GRAMD4: variants seen among roughly 807,000 people sequenced by gnomAD.
GRAMD4 encodes GRAM domain containing 4, also known as GRAM domain-containing protein 4.
Under a neutral mutation model 83.9 loss-of-function variants are expected in GRAMD4, and 25 were observed. That is an observed-to-expected ratio of 0.30 (90% CI 0.22 to 0.42). The LOEUF is 0.42. Among genes scored for constraint, GRAMD4 ranks in the 10% least tolerant of loss-of-function variants. The pLI, the probability that GRAMD4 is intolerant of heterozygous loss-of-function variation, is 1.00. For missense variants in GRAMD4, 593 were observed against 788.7 expected, an observed-to-expected ratio of 0.75 and a Z score of 2.97; for synonymous variants, 336 against 320.9, an observed-to-expected ratio of 1.05 and a Z score of -0.50.
chr22:46,665,606 C>A lies in GRAMD4; in HGVS notation c.718-9C>A. ...TCAGGAGGTCTGACGCCCTGTCTCT[C>A]ACCCGCAGGTGTACATGAATGCCGT... On this transcript the variant is annotated splice_polypyrimidine_tract_variant and intron_variant, in intron 8 of 18. Transcript: ENST00000406902. 2.0e-6 allele frequency: 3 copies of A among 1,507,958 alleles called. No homozygotes were observed. Among genetic ancestry groups the A allele is most frequent in the Non-Finnish European group, 2.8e-6 (3 of 1,085,500 alleles). 93.4% of individuals were successfully genotyped at this position (1,507,958 alleles called of 1,614,324 possible). A position where few individuals can be genotyped will look rare whatever the true frequency, so the allele number is the denominator to read the frequency against.
chr22:46,621,140 G>A lies in GRAMD4; in HGVS notation c.-50+575G>A, dbSNP rs891745258. Among the ~76,000 whole-genome samples the A allele has an allele frequency of 1.2e-4, 19 of 152,158 alleles. No homozygotes were observed. The highest frequency in any genetic ancestry group is 3.9e-4 in the African/African-American group (16 of 41,424). The stretch of plus-strand genomic sequence containing the variant: ...AGGGGCCGTCTGGTTGGGGATGCGC[G>A]GCTGCAGCACGCAGGACGGAAGGTG... On this transcript the variant is annotated intron_variant, in intron 1 of 18. Transcript: ENST00000406902. The surrounding 1 kb of genome is among the most constrained non-coding windows in gnomAD (Gnocchi z 5.8).
intron 17 of GRAMD4, 43 bp downstream of exon 17, chr22:46,675,595 C>A: frequency 8.0e-7 from 1 of 1,246,628 alleles, no homozygotes; most frequent in Non-Finnish European, 1.2e-6. Context: ...GTGTTTTCTT[C>A]GTCACCTGAC....
chr22:46,621,773 G>A lies in GRAMD4; in HGVS notation c.-50+1208G>A, dbSNP rs930340761. Among the ~76,000 whole-genome samples the A allele has an allele frequency of 6.6e-6, 1 of 152,232 alleles. No individual in the cohort carries two copies. The highest frequency in any genetic ancestry group is 2.4e-5 in the African/African-American group (1 of 41,456). On this transcript the variant is annotated intron_variant, in intron 1 of 18. Transcript: ENST00000406902. This position sits in a 1 kb window ranked among gnomAD's most constrained non-coding sequence, Gnocchi z 5.8. ...GGTGCAGGCGCAGGCTGGAAGTGTAGCCCGGGCCCATCCCTGGTGGTGAAG... is the reference window on the plus strand; with the variant it reads ...GGTGCAGGCGCAGGCTGGAAGTGTAACCCGGGCCCATCCCTGGTGGTGAAG...
intron 1 of GRAMD4, among the ~76,000 whole-genome samples, chr22:46,586,986 C>T (rs903706277): frequency 6.6e-6 from 1 of 152,196 alleles, no homozygotes; most frequent in Admixed American, 6.5e-5. Context: ...CACCCTCTTA[C>T]CCGGGAAGAA....
At position 46,664,015 on chromosome 22, in the gene GRAMD4, T is replaced by A. The variant is rs776525781; in HGVS notation, c.626-11T>A. The A allele has an allele frequency of 8.7e-6, 14 of 1,608,642 alleles. No homozygotes were observed. Among genetic ancestry groups the A allele is most frequent in the Non-Finnish European group, 1.2e-5 (14 of 1,175,756 alleles). Reference sequence around the variant, plus strand: ...CACAGTGCTGACCACTGTGGTCTGCTCTGTCCCCAGAGCGCGGTGCCAAGC... The same window carrying A: ...CACAGTGCTGACCACTGTGGTCTGCACTGTCCCCAGAGCGCGGTGCCAAGC... On this transcript the variant is annotated splice_polypyrimidine_tract_variant and intron_variant, in intron 7 of 18. Coordinates refer to ENST00000406902, the MANE Select transcript of GRAMD4 (RefSeq NM_015124.5).
At position 46,665,630 on chromosome 22, in the gene GRAMD4, G is replaced by C; in HGVS notation, c.733G>C (p.Val245Leu). 1.9e-6 allele frequency: 3 copies of C among 1,590,540 alleles called. No homozygotes were observed. The highest frequency in any genetic ancestry group is 2.6e-6 in the Non-Finnish European group (3 of 1,159,344). The change falls in exon 9 of 19, where the codon GTG (valine) becomes CTG (leucine). Residue 245 changes from valine to leucine, a missense_variant. Coordinates refer to ENST00000406902, the MANE Select transcript of GRAMD4 (RefSeq NM_015124.5). The part of the protein sequence containing the change: ...AIAFTVYMNA[V>L]WHGWAIPLFL... Reference sequence around the variant, plus strand: ...TCACCCGCAGGTGTACATGAATGCCGTGTGGCATGGCTGGGCCATCCCATT... The same window carrying C: ...TCACCCGCAGGTGTACATGAATGCCCTGTGGCATGGCTGGGCCATCCCATT...
chr22:46,669,005 C>A, intron 13 of GRAMD4, 97 bp downstream of exon 13: 1 of 709,278 alleles, frequency 1.4e-6, no homozygotes, highest in South Asian at 1.6e-5. Context: ...AGCTGTTAAA[C>A]TCACCTGGCG....
intron 3 of GRAMD4, among the ~76,000 whole-genome samples, chr22:46,639,699 T>G (rs1289707107): frequency 1.3e-5 from 2 of 152,144 alleles, no homozygotes; most frequent in African/African-American, 2.4e-5. Flanking sequence ...CCCATGTGCA[T>G]CAGTATTAAC....
intron 1 of GRAMD4, among the ~76,000 whole-genome samples, chr22:46,626,536 C>G (rs185785544): frequency 2.6e-5 from 4 of 151,290 alleles, no homozygotes; most frequent in Admixed American, 2.6e-4. Context: ...GTCTCTGGGT[C>G]GGGGTTTTCT....
rs1175242630 is a variant in GRAMD4, at chr22:46,674,644, C to T, written c.1385-13C>T. On this transcript the variant is annotated splice_polypyrimidine_tract_variant and intron_variant, in intron 15 of 18. Transcript: ENST00000406902. The stretch of plus-strand genomic sequence containing the variant: ...CCAGTGGAAAGTGTGACAGGCGGGC[C>T]TTCTCCCATTAGTGTGCGAGAATGG... 1 of 1,572,892 alleles carries T rather than the reference C, an allele frequency of 6.4e-7. No individual in the cohort carries two copies. Among genetic ancestry groups the T allele is most frequent in the Non-Finnish European group, 8.7e-7 (1 of 1,142,960 alleles).
At chr22:46,651,534 C>T (rs908036299) in intron 3 of GRAMD4, among the ~76,000 whole-genome samples, 5 of 152,350 alleles carry the variant, frequency 3.3e-5, no homozygotes, top group African/African-American at 1.2e-4. Flanking sequence ...CCTGGTGCAC[C>T]CGGGCAGCCT....
intron 1 of GRAMD4, among the ~76,000 whole-genome samples, chr22:46,577,886 CAGA>C (rs2081059939): frequency 1.3e-5 from 2 of 152,190 alleles, no homozygotes; most frequent in South Asian, 4.1e-4. Context: ...GTGCGCCTGC[CAGA>C]ACGTGGGGTG....
chr22:46,620,268 GGCCCAATTCCGTCC>G (rs1414078229), upstream of GRAMD4: 29 of 979,174 alleles, frequency 3.0e-5, no homozygotes, highest in Non-Finnish European at 3.4e-5. This position sits in a 1 kb window ranked among gnomAD's most constrained non-coding sequence, Gnocchi z 4.7. Flanking sequence ...AGGGCTGGCT[GGCCCAATTCCGTCC>G]TGCTTGCAGA....
At chr22:46,656,375 G>A (rs1006687154) in intron 3 of GRAMD4, among the ~76,000 whole-genome samples, 1 of 152,244 alleles carries the variant, frequency 6.6e-6, no homozygotes, top group Admixed American at 6.5e-5. Flanking sequence ...GCAGGAAGGT[G>A]TGCTGACCTT....
rs1288225519 is a variant in GRAMD4, at chr22:46,679,635, C to T, written c.*2384C>T. 12 of 983,378 alleles carry T rather than the reference C, an allele frequency of 1.2e-5. No homozygotes were observed. Among genetic ancestry groups the T allele is most frequent in the Non-Finnish European group, 1.4e-5 (12 of 828,034 alleles). 60.9% of individuals were successfully genotyped at this position (983,378 alleles called of 1,614,324 possible). A position where few individuals can be genotyped will look rare whatever the true frequency, so the allele number is the denominator to read the frequency against. On this transcript the variant is annotated 3_prime_UTR_variant, in exon 19 of 19. Coordinates refer to ENST00000406902, the MANE Select transcript of GRAMD4 (RefSeq NM_015124.5). ...CTGTAAATAATCATTGCCAGTGTGA[C>T]TTTTGTTCAACAAAAGGATTGTACT...
chr22:46,590,105 C>T (rs555665905), intron 1 of GRAMD4, among the ~76,000 whole-genome samples: 221 of 152,314 alleles, frequency 1.5e-3, no homozygotes, highest in African/African-American at 4.8e-3. Flanking sequence ...TGGGCAGAGC[C>T]GTGGCAGTCA....
At position 46,679,077 on chromosome 22, in the gene GRAMD4, G is replaced by T. The variant is rs2082639743; in HGVS notation, c.*1826G>T. On this transcript the variant is annotated 3_prime_UTR_variant, in exon 19 of 19. Coordinates refer to ENST00000406902, the MANE Select transcript of GRAMD4 (RefSeq NM_015124.5). ...CCACCTTGGCGCCTGAGGCAACACA[G>T]GGTGGGCACTGACCCACCCCCAGGG... The T allele has an allele frequency of 1.0e-6, 1 of 985,618 alleles. No homozygotes were observed. Among genetic ancestry groups the T allele is most frequent in the Non-Finnish European group, 1.2e-6 (1 of 829,974 alleles). The allele number at this position is 985,618 out of a possible 1,614,324, so 61.1% of individuals were successfully genotyped here. A position where few individuals can be genotyped will look rare whatever the true frequency, so the allele number is the denominator to read the frequency against.
At chr22:46,626,348 G>C (rs73891405) in intron 1 of GRAMD4, among the ~76,000 whole-genome samples, 3,963 of 152,346 alleles carry the variant, frequency 0.026, 183 homozygotes, top group African/African-American at 0.091. Flanking sequence ...TGCCAGAGCA[G>C]CATTCTTCCC....
At position 46,620,532 on chromosome 22, in the gene GRAMD4, A is replaced by G; in HGVS notation, c.-83A>G. ...CAGGACCTGAAGGAGCCACAGTGAA[A>G]GAGTGTTTCTGGATGTATCTGAGAC... On this transcript the variant is annotated 5_prime_UTR_variant, in exon 1 of 19. Transcript: ENST00000406902. The surrounding 1 kb of genome is among the most constrained non-coding windows in gnomAD (Gnocchi z 4.7). 1 of 956,882 alleles carries G rather than the reference A, an allele frequency of 1.0e-6. No homozygotes were observed. The highest frequency in any genetic ancestry group is 1.2e-6 in the Non-Finnish European group (1 of 823,798). 59.3% of individuals were successfully genotyped at this position (956,882 alleles called of 1,614,324 possible). A position where few individuals can be genotyped will look rare whatever the true frequency, so the allele number is the denominator to read the frequency against.
Sources: gnomAD v4.1 joint callset for allele counts (sites outside exome capture counted in the v4.1 genomes callset) on GRCh38, gnomAD v4.1.1 for gene constraint, Gnocchi (gnomAD v3.1) non-coding constraint, MANE v1.5 for transcripts, NCBI Gene and HGNC (gene_info 2026-07-23, HGNC 2026-07-21) for gene names.